TAFA1: variants seen among roughly 807,000 people sequenced by gnomAD.
TAFA1 encodes chemokine-like protein TAFA-1.
A neutral mutation model predicts 18.5 loss-of-function variants in TAFA1; 4 were observed. The observed-to-expected ratio is 0.22, with a 90% CI of 0.11 to 0.49. The LOEUF is 0.49. Ranked by LOEUF, TAFA1 falls within the 20% of genes least tolerant of loss-of-function variation. TAFA1 has a pLI of 0.98. For synonymous variants in TAFA1, 56 were observed against 55.2 expected (o/e 1.01, Z -0.06); for missense variants, 147 against 169.0 (o/e 0.87, Z 0.72).
intron 2 of TAFA1, among the ~76,000 whole-genome samples, chr3:68,242,516 C>T (rs2067012440): frequency 6.6e-6 from 1 of 152,056 alleles, no homozygotes; most frequent in South Asian, 2.1e-4. Context: ...AGCACCTGTG[C>T]CTGATGAATT....
chr3:68,133,018 T>G (rs2065562091), intron 2 of TAFA1, among the ~76,000 whole-genome samples: 1 of 152,216 alleles, frequency 6.6e-6, no homozygotes, highest in African/African-American at 2.4e-5. Context: ...GTGTAAGCCT[T>G]TAATCCATCT....
intron 2 of TAFA1, among the ~76,000 whole-genome samples, chr3:68,136,271 A>C (rs953340514): frequency 6.6e-6 from 1 of 152,190 alleles, no homozygotes; most frequent in Non-Finnish European, 1.5e-5. Flanking sequence ...CAGAAATGCT[A>C]TATAGGAGGA....
chr3:68,281,023 A>G (rs762110433), intron 2 of TAFA1, among the ~76,000 whole-genome samples: 1 of 152,204 alleles, frequency 6.6e-6, no homozygotes, highest in Non-Finnish European at 1.5e-5. Context: ...AGTGTTCTTT[A>G]TGATGGTATG....
intron 2 of TAFA1, among the ~76,000 whole-genome samples, chr3:68,231,739 T>A (rs2066874959): frequency 7.2e-5 from 11 of 152,192 alleles, no homozygotes; most frequent in Admixed American, 7.2e-4. Context: ...AAGGTAAAAT[T>A]TAATGACTTT....
At chr3:68,099,326 T>C (rs1256863101) in intron 2 of TAFA1, among the ~76,000 whole-genome samples, 1 of 151,984 alleles carries the variant, frequency 6.6e-6, no homozygotes, top group Admixed American at 6.6e-5. Context: ...AATGACCCCG[T>C]TTAAAAGTGG....
intron 2 of TAFA1, among the ~76,000 whole-genome samples, chr3:68,415,943 G>C (rs897202826): frequency 2.0e-5 from 3 of 152,126 alleles, no homozygotes; most frequent in Non-Finnish European, 4.4e-5. Flanking sequence ...GTTAGGCCAG[G>C]GTTTCTCAAC....
chr3:68,016,520 A>G (rs1284288402), intron 2 of TAFA1, among the ~76,000 whole-genome samples: 1 of 152,156 alleles, frequency 6.6e-6, no homozygotes, highest in Admixed American at 6.5e-5. Flanking sequence ...AATTTCCTAC[A>G]ACATTCTGTA....
At chr3:68,370,176 T>C (rs1301352090) in intron 2 of TAFA1, among the ~76,000 whole-genome samples, 3 of 142,480 alleles carry the variant, frequency 2.1e-5, no homozygotes, top group Admixed American at 7.2e-5. Context: ...TAGTCCCAGC[T>C]ACTAGGGAGG....
At chr3:68,267,813 T>C (rs2067578019) in intron 2 of TAFA1, among the ~76,000 whole-genome samples, 1 of 152,176 alleles carries the variant, frequency 6.6e-6, no homozygotes, top group Non-Finnish European at 1.5e-5. Flanking sequence ...TGTAAGCACA[T>C]TTTCTGTGAC....
chr3:68,349,836 C>A (rs262222), intron 2 of TAFA1, among the ~76,000 whole-genome samples: 1 of 151,820 alleles, frequency 6.6e-6, no homozygotes, highest in Non-Finnish European at 1.5e-5. Context: ...AGTGGGGATG[C>A]GGAAGGGAGC....
chr3:68,011,982 T>C (rs1704482179), intron 2 of TAFA1, among the ~76,000 whole-genome samples: 1 of 152,206 alleles, frequency 6.6e-6, no homozygotes, highest in Non-Finnish European at 1.5e-5. Context: ...CAACTCCTAG[T>C]TAGGGAAAAT....
intron 2 of TAFA1, among the ~76,000 whole-genome samples, chr3:68,395,228 A>AAAAGCACAATGAGATACCAT (rs2070351947): frequency 6.6e-6 from 1 of 152,224 alleles, no homozygotes; most frequent in African/African-American, 2.4e-5. Context: ...ATTGCATATT[A>AAAAGCACAATGAGATACCAT]AAAGCACAAT....
intron 2 of TAFA1, among the ~76,000 whole-genome samples, chr3:68,253,631 T>C (rs1216531914): frequency 6.6e-6 from 1 of 152,174 alleles, no homozygotes; most frequent in African/African-American, 2.4e-5. Context: ...TGGCAGGTGA[T>C]GATTGGGTTA....
intron 3 of TAFA1, among the ~76,000 whole-genome samples, chr3:68,459,868 T>G (rs2071743299): frequency 6.6e-6 from 1 of 152,230 alleles, no homozygotes; most frequent in Admixed American, 6.5e-5. Context: ...GAAACTATAA[T>G]AAAGATGTTG....
At chr3:68,510,310 C>T (rs747142252) in intron 3 of TAFA1, among the ~76,000 whole-genome samples, 3 of 152,112 alleles carry the variant, frequency 2.0e-5, no homozygotes, top group Non-Finnish European at 2.9e-5. Context: ...CATTAGAGCA[C>T]CTCAAGGGAA....
intron 3 of TAFA1, among the ~76,000 whole-genome samples, chr3:68,473,951 T>G (rs1340301896): frequency 2.0e-5 from 3 of 152,044 alleles, no homozygotes; most frequent in Non-Finnish European, 4.4e-5. Context: ...TAAACATTTG[T>G]TGAATGAAGA....
chr3:68,417,753 AG>A (rs1348055279), intron 3 of TAFA1, among the ~76,000 whole-genome samples: 2 of 152,172 alleles, frequency 1.3e-5, no homozygotes, highest in Non-Finnish European at 2.9e-5. Flanking sequence ...TAATTTATAA[AG>A]AAAAGAGGCT....
intron 3 of TAFA1, among the ~76,000 whole-genome samples, chr3:68,474,769 A>G (rs1483188372): frequency 6.6e-6 from 1 of 152,238 alleles, no homozygotes; most frequent in African/African-American, 2.4e-5. Flanking sequence ...AGACAAAGTG[A>G]GCCACACAAA....
intron 2 of TAFA1, among the ~76,000 whole-genome samples, chr3:68,080,152 T>G (rs897189592): frequency 1.3e-4 from 20 of 152,322 alleles, no homozygotes; most frequent in South Asian, 4.1e-4. Flanking sequence ...CTTTTTTTAT[T>G]TTCCATTTGC....
Sources: gnomAD v4.1 joint callset for allele counts (sites outside exome capture counted in the v4.1 genomes callset) on GRCh38, gnomAD v4.1.1 for gene constraint, MANE v1.5 for transcripts, NCBI Gene and HGNC (gene_info 2026-07-23, HGNC 2026-07-21) for gene names.